SDK1: variants seen among roughly 807,000 people sequenced by gnomAD.
SDK1 encodes the protein sidekick cell adhesion molecule 1.
In SDK1, 157 loss-of-function variants were observed where a neutral mutation model predicts 245.5. The ratio of observed to expected loss-of-function variants is 0.64; its 90% confidence interval spans 0.56 to 0.73. The LOEUF is 0.73. Ranked by LOEUF, SDK1 falls within the 30% of genes least tolerant of loss-of-function variation. The probability of loss-of-function intolerance (pLI) is 0.00; values close to 1 mark genes in which losing one functional copy is unlikely to be tolerated. For missense variants in SDK1, 3,583 were observed against 3,002.3 expected (o/e 1.19, Z -4.52); for synonymous variants, 1,647 against 1,278.5 (o/e 1.29, Z -6.15).
chr7:3,758,225 C>G (rs1001560900), intron 4 of SDK1, among the ~76,000 whole-genome samples: 1 of 152,226 alleles, frequency 6.6e-6, no homozygotes, highest in African/African-American at 2.4e-5. Flanking sequence ...TTTTCCTAAA[C>G]TTTCAGCCAC....
At chr7:3,418,145 GAAAAAA>G (rs200914826) in intron 1 of SDK1, among the ~76,000 whole-genome samples, 7 of 119,726 alleles carry the variant, frequency 5.8e-5, no homozygotes, top group African/African-American at 1.9e-4. Context: ...TACTAAAAAT[GAAAAAA>G]AAAAAAAAAA....
At chr7:3,513,423 A>G (rs1405642519) in intron 1 of SDK1, among the ~76,000 whole-genome samples, 1 of 152,200 alleles carries the variant, frequency 6.6e-6, no homozygotes, top group African/African-American at 2.4e-5. Flanking sequence ...ATTAAGGTAA[A>G]ATATAGACGT....
intron 19 of SDK1, among the ~76,000 whole-genome samples, chr7:4,067,152 G>C (rs565019977): frequency 1.3e-5 from 2 of 152,262 alleles, no homozygotes; most frequent in East Asian, 3.9e-4. Context: ...CTAAGGTGTC[G>C]AGAGTGTAAT....
rs541169291 is a variant in SDK1 at position 3,682,713 on chromosome 7, G to T, written c.713+40608G>T. 3.2e-3 allele frequency among the ~76,000 whole-genome samples: 347 copies of T among 106,908 alleles called. 2 individuals carry two copies. Among genetic ancestry groups the T allele is most frequent in the African/African-American group, 0.012 (331 of 28,048 alleles). The allele number at this position is 106,908 out of a possible 152,430, so 70.1% of individuals were successfully genotyped here. A position where few individuals can be genotyped will look rare whatever the true frequency, so the allele number is the denominator to read the frequency against. ...AGGGGGGATCTCAAATCAAGCGTTT[G>T]GATTTACAGTTTTTTTTTTTTTTAA... is the stretch of plus-strand genomic sequence containing the variant. On this transcript the variant is annotated intron_variant, in intron 4 of 44. Coordinates refer to ENST00000404826, the MANE Select transcript of SDK1 (RefSeq NM_152744.4).
chr7:3,554,910 A>G (rs1251146787), intron 1 of SDK1, among the ~76,000 whole-genome samples: 1 of 152,172 alleles, frequency 6.6e-6, no homozygotes, highest in Non-Finnish European at 1.5e-5. Flanking sequence ...AAACTATAAA[A>G]CTTTTTGCAA....
intron 4 of SDK1, among the ~76,000 whole-genome samples, chr7:3,762,687 G>A (rs958987770): frequency 6.6e-6 from 1 of 152,132 alleles, no homozygotes; most frequent in South Asian, 2.1e-4. Flanking sequence ...TAACAGAGGG[G>A]ATGTAACATT....
chr7:4,164,441 G>T (rs1488810941), intron 32 of SDK1, among the ~76,000 whole-genome samples: 1 of 152,052 alleles, frequency 6.6e-6, no homozygotes, highest in Non-Finnish European at 1.5e-5. Context: ...TCCCGTGAGG[G>T]TCTCCGGTGG....
At chr7:3,500,630 C>A (rs1782167878) in intron 1 of SDK1, among the ~76,000 whole-genome samples, 1 of 152,066 alleles carries the variant, frequency 6.6e-6, no homozygotes, top group Non-Finnish European at 1.5e-5. Context: ...AATTGTAGAT[C>A]TCATTTTCCT....
At position 4,026,781 on chromosome 7, in the gene SDK1, C is replaced by G. The variant is rs1018381486; in HGVS notation, c.2602+9429C>G. Among the ~76,000 whole-genome samples the G allele has an allele frequency of 6.6e-6, 1 of 152,108 alleles. No individual in the cohort carries two copies. Among genetic ancestry groups the G allele is most frequent in the African/African-American group, 2.4e-5 (1 of 41,396 alleles). On this transcript the variant is annotated intron_variant, in intron 17 of 44. Coordinates refer to ENST00000404826, the MANE Select transcript of SDK1 (RefSeq NM_152744.4). The surrounding 1 kb of genome is among the most constrained non-coding windows in gnomAD (Gnocchi z 4.1). ...CACCATAACAACGCGAGAACTCAGC[C>G]GTGGCCCATAACAATCTGGAATTAA...
At position 3,448,569 on chromosome 7, in the gene SDK1, T is replaced by G. The variant is rs115382878; in HGVS notation, c.298+146685T>G. ...ACAAATATTTGCCTAAATTCTCTTA[T>G]GAATGTTACTGTCTTATTTTTTATA... On this transcript the variant is annotated intron_variant, in intron 1 of 44. Transcript: ENST00000404826. Among the ~76,000 whole-genome samples, 977 of 152,278 alleles carry G rather than the reference T, an allele frequency of 6.4e-3. 11 individuals carry two copies. The highest frequency in any genetic ancestry group is 0.022 in the African/African-American group (929 of 41,560).
chr7:3,971,385 T>C, intron 11 of SDK1, 81 bp from the exon 12 acceptor site: 2 of 893,040 alleles, frequency 2.2e-6, no homozygotes, highest in South Asian at 1.4e-5. Context: ...TGATGTCAGA[T>C]GACCAGGGCA....
chr7:3,309,304 A>G (rs1057399946), intron 1 of SDK1, among the ~76,000 whole-genome samples: 10 of 152,134 alleles, frequency 6.6e-5, no homozygotes, highest in African/African-American at 2.4e-4. Context: ...ATTTTTATAC[A>G]CAAACCACCA....
intron 1 of SDK1, among the ~76,000 whole-genome samples, chr7:3,473,709 C>T (rs940713597): frequency 1.6e-4 from 24 of 151,968 alleles, no homozygotes; most frequent in Admixed American, 1.4e-3. Context: ...TTTCTAGTTA[C>T]CTTCCTTCTA....
chr7:3,520,736 C>G (rs1041239367), intron 1 of SDK1, among the ~76,000 whole-genome samples: 2 of 152,172 alleles, frequency 1.3e-5, no homozygotes, highest in Non-Finnish European at 2.9e-5. Context: ...GATACTTGAA[C>G]CCTTTTACCA....
intron 43 of SDK1, among the ~76,000 whole-genome samples, chr7:4,244,940 G>A (rs1202622118): frequency 6.6e-6 from 1 of 152,216 alleles, no homozygotes; most frequent in Non-Finnish European, 1.5e-5. Context: ...GCTTCTGTGA[G>A]GCCAGCAAGA....
intron 1 of SDK1, among the ~76,000 whole-genome samples, chr7:3,336,093 C>G (rs879429999): frequency 6.6e-6 from 1 of 152,128 alleles, no homozygotes; most frequent in South Asian, 2.1e-4. Context: ...AGAGCCTGTT[C>G]CCCATAGCCA....
chr7:3,922,786 T>C (rs1779639207), intron 5 of SDK1, among the ~76,000 whole-genome samples: 1 of 152,222 alleles, frequency 6.6e-6, no homozygotes, highest in African/African-American at 2.4e-5. Flanking sequence ...TATTTGAAGA[T>C]GCAAATCTTT....
At chr7:3,372,289 C>A (rs1372339611) in intron 1 of SDK1, among the ~76,000 whole-genome samples, 1 of 152,144 alleles carries the variant, frequency 6.6e-6, no homozygotes, top group African/African-American at 2.4e-5. Flanking sequence ...GCAGAAAAGG[C>A]TCCCAAGCTA....
intron 5 of SDK1, among the ~76,000 whole-genome samples, chr7:3,882,798 G>C (rs1015875364): frequency 6.6e-6 from 1 of 151,974 alleles, no homozygotes; most frequent in African/African-American, 2.4e-5. Flanking sequence ...CTCTTCACCA[G>C]TTAAAATGAA....
Sources: allele counts gnomAD v4.1 joint callset (sites outside exome capture counted in the v4.1 genomes callset), GRCh38; gene constraint gnomAD v4.1.1; non-coding constraint Gnocchi (gnomAD v3.1); transcripts MANE v1.5; gene names NCBI Gene and HGNC (gene_info 2026-07-23, HGNC 2026-07-21).